ARHGEF16: variants seen among roughly 807,000 people sequenced by gnomAD.
ARHGEF16 encodes Rho guanine exchange factor (GEF) 16.
ARHGEF16 carries 59 observed loss-of-function variants against 74.1 expected under a neutral mutation model. That is an observed-to-expected ratio of 0.80 (90% CI 0.65 to 0.99). The LOEUF (loss-of-function observed/expected upper bound fraction) is 0.99, where lower values mean the gene tolerates loss of function less well. Among genes scored for constraint, ARHGEF16 ranks in the 50% least tolerant of loss-of-function variants. The pLI is 0.00. For synonymous variants in ARHGEF16, 415 were observed against 412.6 expected (o/e 1.01, Z -0.07); for missense variants, 948 against 986.6 (o/e 0.96, Z 0.52).
At chr1:3,477,595 G>T (rs890841723) in intron 10 of ARHGEF16, among the ~76,000 whole-genome samples, 1 of 151,632 alleles carries the variant, frequency 6.6e-6, no homozygotes, top group Non-Finnish European at 1.5e-5. Flanking sequence ...ACTGGCCTTC[G>T]AGTCCTGGCT....
chr1:3,469,012 G>T (rs752123083), intron 5 of ARHGEF16, 76 bp downstream of exon 5: 1 of 1,513,486 alleles, frequency 6.6e-7, no homozygotes, highest in Non-Finnish European at 9.0e-7. Context: ...CAGCAGCCAC[G>T]GTGGCACCAC....
chr1:3,464,934 C>A (rs531269412), intron 2 of ARHGEF16, among the ~76,000 whole-genome samples: 34 of 152,350 alleles, frequency 2.2e-4, no homozygotes, highest in South Asian at 8.3e-4. Context: ...GCGTCCACTG[C>A]AGGCCGATGG....
At position 3,480,690 on chromosome 1, in the gene ARHGEF16, G is replaced by A; in HGVS notation, c.*103G>A. On this transcript the variant is annotated 3_prime_UTR_variant, in exon 15 of 15. Coordinates refer to ENST00000378378, the MANE Select transcript of ARHGEF16 (RefSeq NM_014448.4). ...GGAGCTGGTCTCAAGGACCCAGCAT[G>A]GTTCCCTGGGGCTTCCCAAGAGCCT... The A allele has an allele frequency of 7.0e-7, 1 of 1,425,376 alleles. No homozygotes were observed. 88.3% of individuals were successfully genotyped at this position (1,425,376 alleles called of 1,614,324 possible).
At chr1:3,470,384 A>C (rs185375987) in intron 6 of ARHGEF16, among the ~76,000 whole-genome samples, 40 of 121,588 alleles carry the variant, frequency 3.3e-4, no homozygotes, top group African/African-American at 1.3e-3. Flanking sequence ...GTAGGTGTGC[A>C]TGGGTTTGTG....
intron 11 of ARHGEF16, 97 bp from the exon 12 acceptor site, chr1:3,478,327 C>A: frequency 3.0e-6 from 4 of 1,346,062 alleles, no homozygotes; most frequent in Non-Finnish European, 3.1e-6. Flanking sequence ...TGCCTCCCCA[C>A]CACTGCAGGG....
At chr1:3,466,939 G>A (rs992567961) in intron 3 of ARHGEF16, 2 of 486,868 alleles carry the variant, frequency 4.1e-6, no homozygotes, top group Non-Finnish European at 7.3e-6. Context: ...GGGCTGCTGT[G>A]AGGGTTTGGA....
At position 3,479,578 on chromosome 1, in the gene ARHGEF16, T is replaced by A; in HGVS notation, c.1876T>A (p.Ser626Thr). 6.2e-7 allele frequency: 1 copy of A among 1,612,004 alleles called. No homozygotes were observed. Among genetic ancestry groups the A allele is most frequent in the Non-Finnish European group, 8.5e-7 (1 of 1,179,662 alleles). The change falls in exon 13 of 15, where the codon TCC (serine) becomes ACC (threonine). Residue 626 changes from serine to threonine, a missense_variant. Coordinates refer to ENST00000378378, the MANE Select transcript of ARHGEF16 (RefSeq NM_014448.4). ...THSERQWQGLSSKGDLPQVEI... is the reference protein window; with the variant it reads ...THSERQWQGLTSKGDLPQVEI... ...CAGTGAGAGACAGTGGCAGGGCCTC[T>A]CCAGCAAAGGAGGTGAGTGCGGGCT...
rs149917688 is a variant in ARHGEF16 at position 3,476,566 on chromosome 1, A to G, written c.1473+504A>G. On this transcript the variant is annotated intron_variant, in intron 10 of 14. Coordinates refer to ENST00000378378, the MANE Select transcript of ARHGEF16 (RefSeq NM_014448.4). ...TTCCAGCCCAGGCCCGGGCAGCCCT[A>G]GTCCCTGCCACAAACGGGCAGGGCT... Among the ~76,000 whole-genome samples the G allele has an allele frequency of 3.0e-3, 456 of 151,934 alleles. 3 individuals carry two copies. The highest frequency in any genetic ancestry group is 0.011 in the African/African-American group (435 of 41,428).
chr1:3,457,916 TC>T (rs1639303058), intron 1 of ARHGEF16, among the ~76,000 whole-genome samples: 1 of 151,574 alleles, frequency 6.6e-6, no homozygotes, highest in African/African-American at 2.4e-5. Flanking sequence ...CCATGGGAGG[TC>T]CTTTCCAGCC....
intron 8 of ARHGEF16, 146 bp from the exon 9 acceptor site, chr1:3,474,562 C>T (rs1639829170): frequency 8.6e-6 from 6 of 696,346 alleles, no homozygotes; most frequent in South Asian, 1.7e-5. Flanking sequence ...CGTTCAGGGG[C>T]TGTACGTGCT....
At chr1:3,467,608 G>A (rs1384438325) in intron 4 of ARHGEF16, among the ~76,000 whole-genome samples, 2 of 152,214 alleles carry the variant, frequency 1.3e-5, no homozygotes, top group African/African-American at 2.4e-5. Flanking sequence ...AGGGAGCTGC[G>A]GGCGCCAGGA....
intron 2 of ARHGEF16, among the ~76,000 whole-genome samples, chr1:3,465,720 C>T (rs1452868519): frequency 2.6e-5 from 4 of 152,202 alleles, no homozygotes; most frequent in Admixed American, 6.5e-5. Flanking sequence ...TCTGCCATCC[C>T]GGCCTCCTGC....
In ARHGEF16 at chr1:3,477,889, C is replaced by A. The variant is rs762554808; in HGVS notation, c.1488C>A (p.Ile496=). The A allele has an allele frequency of 4.4e-6, 7 of 1,603,120 alleles. No individual in the cohort carries two copies. The highest frequency in any genetic ancestry group is 5.1e-6 in the Non-Finnish European group (6 of 1,171,820). Residue 496 remains isoleucine, a synonymous_variant, in exon 11 of 15, where the codon ATC becomes ATA. Coordinates refer to ENST00000378378, the MANE Select transcript of ARHGEF16 (RefSeq NM_014448.4). ...DFSKVKSLPL[I]SASRWLLKRG... ...TGTCCCCCCAGTCCCTCCCACTGAT[C>A]TCTGCCTCCCGGTGGCTGCTGAAGC...
intron 1 of ARHGEF16, among the ~76,000 whole-genome samples, chr1:3,456,563 G>A (rs989827689): frequency 3.9e-5 from 6 of 152,202 alleles, no homozygotes; most frequent in Admixed American, 2.6e-4. Context: ...TCCCACCCCC[G>A]CAGGCCACAT....
At chr1:3,475,839 G>T in intron 9 of ARHGEF16, 131 bp from the exon 10 acceptor site, 2 of 784,084 alleles carry the variant, frequency 2.6e-6, no homozygotes, top group Non-Finnish European at 4.0e-6. Flanking sequence ...CCCGTGGCAC[G>T]GCTGGTCCAG....
At chr1:3,472,686 C>T in intron 6 of ARHGEF16, 1 of 172,070 alleles carries the variant, frequency 5.8e-6, no homozygotes, top group Non-Finnish European at 1.2e-5. Context: ...TGTGGAGGCC[C>T]AGTCGTTTTA....
intron 6 of ARHGEF16, chr1:3,472,790 G>A (rs1639765636): frequency 1.7e-5 from 7 of 411,612 alleles, no homozygotes; most frequent in South Asian, 1.7e-4. Flanking sequence ...AGTCCCTGGG[G>A]CTGCCCCTGG....
At chr1:3,476,207 G>A in intron 10 of ARHGEF16, 145 bp downstream of exon 10, 1 of 818,272 alleles carries the variant, frequency 1.2e-6, no homozygotes, top group East Asian at 2.8e-5. Context: ...GGCCTCCTAG[G>A]GCTGGTGGCT....
chr1:3,463,285 G>A lies in ARHGEF16; in HGVS notation c.201G>A (p.Glu67=). 1 of 1,550,096 alleles carries A rather than the reference G, an allele frequency of 6.5e-7. No homozygotes were observed. Among genetic ancestry groups the A allele is most frequent in the Admixed American group, 2.0e-5 (1 of 51,002 alleles). The part of the protein sequence containing the change: ...PPQPRPPGHE[E]PWPIVLSTES... ...AGCCTCGGCCCCCGGGGCACGAGGA[G>A]CCATGGCCCATCGTCCTGAGCACAG... Residue 67 remains glutamate, a synonymous_variant, in exon 2 of 15, where the codon GAG becomes GAA. Coordinates refer to ENST00000378378, the MANE Select transcript of ARHGEF16 (RefSeq NM_014448.4).
Sources: gnomAD v4.1 joint callset for allele counts (sites outside exome capture counted in the v4.1 genomes callset) on GRCh38, gnomAD v4.1.1 for gene constraint, MANE v1.5 for transcripts, NCBI Gene and HGNC (gene_info 2026-07-23, HGNC 2026-07-21) for gene names.